Variants in CHD9 observed in about 807,000 individuals in gnomAD.
The protein encoded by CHD9 is ATP-dependent chromatin remodeler CHD9.
In CHD9, 77 loss-of-function variants were observed where a neutral mutation model predicts 316.1. The ratio of observed to expected loss-of-function variants is 0.24; its 90% CI spans 0.20 to 0.29. The LOEUF (loss-of-function observed/expected upper bound fraction) is 0.29. Ranked by LOEUF, CHD9 falls within the 10% of genes least tolerant of loss-of-function variation. CHD9 has a pLI of 1.00. For missense variants in CHD9, 2,763 were observed against 3,438.1 expected (o/e 0.80, Z 4.91); for synonymous variants, 1,129 against 1,158.3 (o/e 0.97, Z 0.51).
rs750846156 is a variant in CHD9 at position 53,156,441 on chromosome 16, G to A, written c.352G>A (p.Val118Ile). 26 of 1,613,844 alleles carry A rather than the reference G, an allele frequency of 1.6e-5. No homozygotes were observed. Among genetic ancestry groups the A allele is most frequent in the South Asian group, 4.4e-5 (4 of 91,084 alleles). ...CCAACCCAATGGTTTGTTTCCAGAT[G>A]TATCAGATGGCAGTCCAATGTGGGG... The part of the protein sequence containing the change: ...QNQPNGLFPD[V>I]SDGSPMWGHQ... The change falls in exon 2 of 39, where the codon GTA (valine) becomes ATA (isoleucine). Residue 118 changes from valine to isoleucine, a missense_variant. Around this residue, in one of 15 missense-constraint regions of CHD9, gnomAD observed 859 missense variants for 890.4 expected, o/e 0.96. Transcript: ENST00000447540.
chr16:53,132,793 CTTTT>C (rs748626858), intron 1 of CHD9, among the ~76,000 whole-genome samples: 13 of 68,500 alleles, frequency 1.9e-4, no homozygotes, highest in Non-Finnish European at 3.0e-4. Flanking sequence ...TCTAATTCTG[CTTTT>C]TTTTTTTTTT....
chr16:53,185,094 G>A (rs2043868340), intron 2 of CHD9, among the ~76,000 whole-genome samples: 1 of 152,212 alleles, frequency 6.6e-6, no homozygotes, highest in Non-Finnish European at 1.5e-5. Context: ...ACCAAAGAGA[G>A]TGGGGCACTG....
chr16:53,314,595 A>G, intron 35 of CHD9, 79 bp downstream of exon 35: 2 of 1,228,220 alleles, frequency 1.6e-6, no homozygotes, highest in Non-Finnish European at 2.2e-6. Context: ...TTGTTTTGTG[A>G]ATGTTTTATA....
chr16:53,234,110 A>G (rs1267940391), intron 10 of CHD9, among the ~76,000 whole-genome samples: 3 of 152,158 alleles, frequency 2.0e-5, no homozygotes, highest in Non-Finnish European at 4.4e-5. Flanking sequence ...ATGAATATCA[A>G]AAGTTATTTT....
intron 2 of CHD9, among the ~76,000 whole-genome samples, chr16:53,186,651 A>T (rs957100097): frequency 6.6e-6 from 1 of 152,164 alleles, no homozygotes; most frequent in African/African-American, 2.4e-5. Context: ...CTCATCTTGA[A>T]TTGTAGTTCC....
chr16:53,083,539 T>G (rs2035209380), intron 1 of CHD9, among the ~76,000 whole-genome samples: 1 of 152,232 alleles, frequency 6.6e-6, no homozygotes. Context: ...ATCTTTATTA[T>G]GGACAATTCC....
intron 2 of CHD9, among the ~76,000 whole-genome samples, chr16:53,175,906 C>T (rs2043067029): frequency 6.6e-6 from 1 of 152,158 alleles, no homozygotes; most frequent in South Asian, 2.1e-4. Context: ...CAGAGTCATA[C>T]AGATAGTGGC....
At chr16:53,306,036 CAACA>C (rs1256984832) in intron 31 of CHD9, among the ~76,000 whole-genome samples, 197 bp from the exon 32 acceptor site, 3 of 152,114 alleles carry the variant, frequency 2.0e-5, no homozygotes, top group Non-Finnish European at 4.4e-5. Context: ...CCAGGCTGTG[CAACA>C]CAGCAAGACC....
intron 2 of CHD9, among the ~76,000 whole-genome samples, chr16:53,196,239 AG>A (rs1261864117): frequency 6.6e-6 from 1 of 152,204 alleles, no homozygotes; most frequent in Admixed American, 6.5e-5. Flanking sequence ...TCACATGTAT[AG>A]GTTCATGAAA....
At chr16:53,205,752 A>G (rs1057342711) in intron 2 of CHD9, among the ~76,000 whole-genome samples, 1 of 152,190 alleles carries the variant, frequency 6.6e-6, no homozygotes, top group Non-Finnish European at 1.5e-5. Context: ...TTCTTTGAAT[A>G]GTGTCAGTGA....
At chr16:53,074,358 G>A (rs1307165081) in intron 1 of CHD9, among the ~76,000 whole-genome samples, 2 of 152,136 alleles carry the variant, frequency 1.3e-5, no homozygotes, top group East Asian at 1.9e-4. Context: ...CAATAGAAAA[G>A]CAAATCCCAT....
At chr16:53,154,525 G>A (rs1311046513) in intron 1 of CHD9, among the ~76,000 whole-genome samples, 1 of 152,140 alleles carries the variant, frequency 6.6e-6, no homozygotes, top group Non-Finnish European at 1.5e-5. Flanking sequence ...TGGCACCAGG[G>A]ACCGGTTTCG....
chr16:53,286,206 G>GT lies in CHD9; in HGVS notation c.5072-19dup. The GT allele has an allele frequency of 7.2e-7, 1 of 1,387,494 alleles. No individual in the cohort carries two copies. The highest frequency in any genetic ancestry group is 1.4e-5 in the African/African-American group (1 of 70,260). The allele number at this position is 1,387,494 out of a possible 1,614,324, so 85.9% of individuals were successfully genotyped here. A position where few individuals can be genotyped will look rare whatever the true frequency, so the allele number is the denominator to read the frequency against. On this transcript the variant is annotated intron_variant, in intron 25 of 38. Coordinates refer to ENST00000447540, the MANE Select transcript of CHD9 (RefSeq NM_001308319.2). ...TCTTCTTTTTATCTTTTTTACTTTT[G>GT]TAATTGGTGATGTTTTCAGGATATG...
intron 2 of CHD9, among the ~76,000 whole-genome samples, chr16:53,189,599 A>G (rs2044318619): frequency 6.6e-6 from 1 of 151,626 alleles, no homozygotes; most frequent in South Asian, 2.1e-4. Flanking sequence ...TTTGTTGAAA[A>G]TATTTGTGTC....
At chr16:53,248,722 G>C (rs2049885969) in intron 16 of CHD9, among the ~76,000 whole-genome samples, 2 of 151,542 alleles carry the variant, frequency 1.3e-5, no homozygotes, top group Admixed American at 6.6e-5. Flanking sequence ...GGGTCTCACT[G>C]TGTTGCCCAA....
chr16:53,220,488 T>A (rs1298617776), intron 3 of CHD9, among the ~76,000 whole-genome samples: 1 of 152,170 alleles, frequency 6.6e-6, no homozygotes, highest in African/African-American at 2.4e-5. Context: ...TCTTTTTCTC[T>A]CCCCTGAATT....
At chr16:53,255,886 C>T (rs2050548156) in intron 19 of CHD9, 107 bp downstream of exon 19, 1 of 994,496 alleles carries the variant, frequency 1.0e-6, no homozygotes, top group East Asian at 2.4e-5. Flanking sequence ...CTGAATTAGC[C>T]AAGATGCAGT....
At chr16:53,113,599 C>T (rs1418354429) in intron 1 of CHD9, among the ~76,000 whole-genome samples, 1 of 152,122 alleles carries the variant, frequency 6.6e-6, no homozygotes, top group East Asian at 1.9e-4. Context: ...GTGTGAGCCA[C>T]TGCGCCCAGT....
At chr16:53,228,950 C>A in intron 7 of CHD9, 33 bp from the exon 8 acceptor site, 2 of 974,366 alleles carry the variant, frequency 2.1e-6, no homozygotes, top group South Asian at 1.8e-5. Context: ...TTATCTGTGT[C>A]ATTCTAATAT....
Sources: gnomAD v4.1 joint callset for allele counts (sites outside exome capture counted in the v4.1 genomes callset) on GRCh38, gnomAD v4.1.1 for gene constraint, gnomAD v4.1.1 regional missense constraint, MANE v1.5 for transcripts, NCBI Gene and HGNC (gene_info 2026-07-23, HGNC 2026-07-21) for gene names.